The following DCHS2 variants were observed in gnomAD, a reference collection of about 807,000 sequenced individuals.
DCHS2 encodes protocadherin-23.
DCHS2 carries 142 observed loss-of-function variants against 182.4 expected under a neutral mutation model. The observed-to-expected ratio is 0.78, with a 90% confidence interval of 0.68 to 0.89. The LOEUF is 0.89. DCHS2 is among the 40% of genes least tolerant of loss of function. DCHS2 has a pLI of 0.00. For missense variants in DCHS2, 4,319 were observed against 4,198.6 expected (o/e 1.03, Z -0.79); for synonymous variants, 1,740 against 1,663.3 (o/e 1.05, Z -1.12).
chr4:154,323,064 C>T, intron 7 of DCHS2: 1 of 792,636 alleles, frequency 1.3e-6, no homozygotes, highest in East Asian at 2.7e-5. Flanking sequence ...TGGATTCCTG[C>T]CACCCATCTC....
chr4:154,419,690 G>A (rs1427331736), intron 1 of DCHS2, among the ~76,000 whole-genome samples: 2 of 142,516 alleles, frequency 1.4e-5, no homozygotes, highest in African/African-American at 5.1e-5. Flanking sequence ...ATGCCATTAC[G>A]AAGGATGTGC....
At chr4:154,394,989 G>A in intron 1 of DCHS2, among the ~76,000 whole-genome samples, 1 of 152,024 alleles carries the variant, frequency 6.6e-6, no homozygotes, top group Non-Finnish European at 1.5e-5. Context: ...TTGGAGAAAG[G>A]TGAAAAACAA....
intron 1 of DCHS2, among the ~76,000 whole-genome samples, chr4:154,397,058 G>A (rs1393226481): frequency 2.0e-5 from 3 of 152,192 alleles, no homozygotes; most frequent in Admixed American, 2.0e-4. Flanking sequence ...ACCCATGAAT[G>A]TCTAACTCAT....
intron 2 of DCHS2, among the ~76,000 whole-genome samples, chr4:154,368,311 CT>C (rs1482221986): frequency 6.6e-6 from 1 of 152,130 alleles, no homozygotes; most frequent in Non-Finnish European, 1.5e-5. Context: ...TTCCCTTTTC[CT>C]TTCCCCTTCC....
intron 3 of DCHS2, among the ~76,000 whole-genome samples, chr4:154,343,066 T>C (rs755308482): frequency 6.6e-6 from 1 of 152,218 alleles, no homozygotes; most frequent in Non-Finnish European, 1.5e-5. Flanking sequence ...GGTAGCCATG[T>C]GCATTGTCAG....
chr4:154,477,979 A>T (rs1018086775), intron 1 of DCHS2, among the ~76,000 whole-genome samples: 6 of 152,226 alleles, frequency 3.9e-5, no homozygotes, highest in Non-Finnish European at 8.8e-5. Flanking sequence ...ATGAAGGATT[A>T]TCACAATTAT....
At chr4:154,328,890 C>G (rs1403547561) in intron 6 of DCHS2, among the ~76,000 whole-genome samples, 1 of 152,118 alleles carries the variant, frequency 6.6e-6, no homozygotes, top group Non-Finnish European at 1.5e-5. Flanking sequence ...TGTTCTGGAA[C>G]AGTAGCTTCT....
intron 3 of DCHS2, 64 bp downstream of exon 3, chr4:154,366,146 G>T: frequency 3.8e-6 from 5 of 1,323,436 alleles, no homozygotes; most frequent in East Asian, 4.7e-5. Context: ...TAATTTTCTG[G>T]CTGTTAAGTA....
At chr4:154,252,627 A>G (rs1226547256) in intron 16 of DCHS2, among the ~76,000 whole-genome samples, 1 of 147,718 alleles carries the variant, frequency 6.8e-6, no homozygotes. Context: ...AGTTCCATCC[A>G]TGTTGTTGCA....
At chr4:154,267,805 G>T (rs2111196459) in intron 14 of DCHS2, among the ~76,000 whole-genome samples, 1 of 152,228 alleles carries the variant, frequency 6.6e-6, no homozygotes, top group South Asian at 2.1e-4. Flanking sequence ...TTCTTTGTTG[G>T]CAGATGCAGC....
At chr4:154,397,862 C>T (rs1731997963) in intron 1 of DCHS2, among the ~76,000 whole-genome samples, 3 of 152,208 alleles carry the variant, frequency 2.0e-5, no homozygotes, top group Middle Eastern at 3.4e-3. Flanking sequence ...TCCTCTCATT[C>T]CCCCAAAAAT....
intron 16 of DCHS2, among the ~76,000 whole-genome samples, chr4:154,246,581 G>C (rs1732081444): frequency 6.6e-6 from 1 of 151,978 alleles, no homozygotes; most frequent in Non-Finnish European, 1.5e-5. Context: ...TAAAAAAAAG[G>C]AACCCAGTGG....
Position 154,321,253 on chromosome 4 carries a change from G to T in DCHS2, c.4177-31C>A, listed in dbSNP as rs1335648716. 3 of 1,443,852 alleles carry T rather than the reference G, an allele frequency of 2.1e-6. No homozygotes were observed. In the African/African-American group the frequency reaches 4.3e-5, roughly 20 times the overall value. The allele number at this position is 1,443,852 out of a possible 1,614,324, so 89.4% of individuals were successfully genotyped here. On this transcript the variant is annotated intron_variant, in intron 8 of 19. Coordinates refer to ENST00000357232, the MANE Select transcript of DCHS2 (RefSeq NM_001358235.2). Reference sequence around the variant, plus strand: ...ATACGAATAAAAGAGATATTAATTTGGGGTATTTTTAAAACAGTTTAATGA... The same window carrying T: ...ATACGAATAAAAGAGATATTAATTTTGGGTATTTTTAAAACAGTTTAATGA...
intron 13 of DCHS2, among the ~76,000 whole-genome samples, chr4:154,277,237 C>A (rs1733891353): frequency 6.6e-6 from 1 of 152,132 alleles, no homozygotes; most frequent in African/African-American, 2.4e-5. Flanking sequence ...GAATATACAT[C>A]CAACTTTATA....
intron 3 of DCHS2, among the ~76,000 whole-genome samples, chr4:154,362,593 C>A (rs144899680): frequency 1.3e-5 from 2 of 152,160 alleles, no homozygotes; most frequent in Non-Finnish European, 2.9e-5. Context: ...TACAGTTGAG[C>A]CTTGAATAAC....
intron 1 of DCHS2, among the ~76,000 whole-genome samples, chr4:154,414,693 T>C (rs1334717594): frequency 6.6e-6 from 1 of 152,080 alleles, no homozygotes; most frequent in Non-Finnish European, 1.5e-5. Flanking sequence ...TACTAAAACA[T>C]TAATACCCAC....
In DCHS2 at chr4:154,441,497, T is replaced by A. The variant is rs1400686513; in HGVS notation, c.2052+47807A>T. On this transcript the variant is annotated intron_variant, in intron 1 of 19. Transcript: ENST00000357232. ...AAAATAAAAGTAAACTGAAAATTGGTAAAGCTCTTTGTATTTGCAGTGATG... is the reference window on the plus strand; with the variant it reads ...AAAATAAAAGTAAACTGAAAATTGGAAAAGCTCTTTGTATTTGCAGTGATG... Among the ~76,000 whole-genome samples the A allele has an allele frequency of 2.6e-5, 4 of 152,142 alleles. No homozygotes were observed. In the East Asian group the frequency reaches 7.7e-4, roughly 29 times the overall value.
intron 1 of DCHS2, among the ~76,000 whole-genome samples, chr4:154,380,176 A>G (rs188320786): frequency 1.8e-4 from 27 of 152,256 alleles, no homozygotes; most frequent in African/African-American, 6.3e-4. Context: ...TCCTGCTTTA[A>G]TTGTCTATTT....
intron 10 of DCHS2, 84 bp from the exon 11 acceptor site, chr4:154,305,315 TG>T (rs1437192001): frequency 6.9e-7 from 1 of 1,445,392 alleles, no homozygotes; most frequent in Non-Finnish European, 9.1e-7. Context: ...CCTTTGAACA[TG>T]TTAGGCCATA....
Sources: allele counts gnomAD v4.1 joint callset (sites outside exome capture counted in the v4.1 genomes callset), GRCh38; gene constraint gnomAD v4.1.1; transcripts MANE v1.5; gene names NCBI Gene and HGNC (gene_info 2026-07-23, HGNC 2026-07-21).